The following NRXN3 variants were observed in gnomAD, a reference collection of about 807,000 sequenced individuals.
The protein encoded by NRXN3 is neurexin III.
In NRXN3, 32 loss-of-function variants were observed where a neutral mutation model predicts 137.6. The ratio of observed to expected loss-of-function variants is 0.23; its 90% CI spans 0.18 to 0.31. The LOEUF is 0.31. Ranked by LOEUF, NRXN3 falls within the 10% of genes least tolerant of loss-of-function variation. The pLI, the probability that NRXN3 is intolerant of heterozygous loss-of-function variation, is 1.00. For missense variants in NRXN3, 1,574 were observed against 2,062.5 expected (o/e 0.76, Z 4.59); for synonymous variants, 798 against 784.5 (o/e 1.02, Z -0.29).
chr14:78,379,292 A>C (rs2153629014), intron 4 of NRXN3, among the ~76,000 whole-genome samples: 1 of 152,270 alleles, frequency 6.6e-6, no homozygotes, highest in African/African-American at 2.4e-5. Flanking sequence ...GATACCCAAA[A>C]CCAGACAAAG....
chr14:79,431,818 CTAAT>C (rs1447831486), intron 15 of NRXN3, among the ~76,000 whole-genome samples: 3 of 152,114 alleles, frequency 2.0e-5, no homozygotes, highest in Non-Finnish European at 4.4e-5. Context: ...TAATAGACTT[CTAAT>C]TTATTACTAA....
At chr14:78,329,853 T>G (rs1387608096) in intron 4 of NRXN3, among the ~76,000 whole-genome samples, 1 of 152,174 alleles carries the variant, frequency 6.6e-6, no homozygotes, top group African/African-American at 2.4e-5. Flanking sequence ...CTCATAATAT[T>G]TTGGAATTTG....
intron 4 of NRXN3, among the ~76,000 whole-genome samples, chr14:78,417,028 A>G (rs1409694833): frequency 1.3e-5 from 2 of 152,160 alleles, no homozygotes; most frequent in African/African-American, 2.4e-5. Context: ...TAACCTTGTA[A>G]CTGGTCTTAC....
At chr14:79,417,891 C>T (rs2095519641) in intron 15 of NRXN3, among the ~76,000 whole-genome samples, 1 of 151,496 alleles carries the variant, frequency 6.6e-6, no homozygotes, top group Non-Finnish European at 1.5e-5. Flanking sequence ...CTAGTTCTAG[C>T]TTCTGTATGA....
At chr14:78,778,688 T>TTC (rs1372350825) in intron 8 of NRXN3, among the ~76,000 whole-genome samples, 2 of 135,120 alleles carry the variant, frequency 1.5e-5, no homozygotes, top group Non-Finnish European at 3.2e-5. Context: ...TTTTCTTTCT[T>TTC]TCTTTCTTTC....
At chr14:79,551,407 A>G (rs2097371387) in intron 16 of NRXN3, among the ~76,000 whole-genome samples, 1 of 152,242 alleles carries the variant, frequency 6.6e-6, no homozygotes, top group Non-Finnish European at 1.5e-5. Context: ...CACTAGGACC[A>G]GAAAAAGCAG....
intron 15 of NRXN3, among the ~76,000 whole-genome samples, chr14:79,100,472 A>G (rs1219577427): frequency 6.6e-6 from 1 of 152,234 alleles, no homozygotes; most frequent in Non-Finnish European, 1.5e-5. Flanking sequence ...TGATCCATCC[A>G]GGTGATTGAT....
chr14:79,108,258 T>C (rs2052824023), intron 15 of NRXN3, among the ~76,000 whole-genome samples: 1 of 152,170 alleles, frequency 6.6e-6, no homozygotes, highest in Non-Finnish European at 1.5e-5. Context: ...TGAAGTACTT[T>C]GTGTGAATAC....
rs1240524015 is a variant in NRXN3, at chr14:79,755,530, A to AG, written c.4015-49581dup. 5.6e-3 allele frequency among the ~76,000 whole-genome samples: 838 copies of AG among 149,516 alleles called. 8 individuals carry two copies. Among genetic ancestry groups the AG allele is most frequent in the African/African-American group, 0.021 (812 of 39,264 alleles). On this transcript the variant is annotated intron_variant, in intron 19 of 20. Coordinates refer to ENST00000335750, the MANE Select transcript of NRXN3 (RefSeq NM_001330195.2). ...ATTTTTTATGAAGTAAAAATACCGA[A>AG]GATTTTTTTTTTTTTTTGCTAGAAG...
chr14:78,305,174 G>C (rs1388801989), intron 4 of NRXN3, among the ~76,000 whole-genome samples: 3 of 152,106 alleles, frequency 2.0e-5, no homozygotes, highest in African/African-American at 7.2e-5. Flanking sequence ...CTGTGTGTTG[G>C]GTAAAGTTGC....
intron 15 of NRXN3, among the ~76,000 whole-genome samples, chr14:79,003,666 A>G (rs183942498): frequency 2.1e-4 from 32 of 152,304 alleles, no homozygotes; most frequent in African/African-American, 7.5e-4. Flanking sequence ...GGTCTAATGC[A>G]GGAATTATTG....
At chr14:79,377,250 A>G (rs1276230082) in intron 15 of NRXN3, among the ~76,000 whole-genome samples, 1 of 152,322 alleles carries the variant, frequency 6.6e-6, no homozygotes, top group East Asian at 1.9e-4. Context: ...ACAATGTTTC[A>G]CAGAAGATAT....
chr14:79,549,950 A>T (rs2097357959), intron 16 of NRXN3, among the ~76,000 whole-genome samples: 1 of 140,078 alleles, frequency 7.1e-6, no homozygotes, highest in Non-Finnish European at 1.6e-5. Context: ...GTTACTTCTC[A>T]TATTGTTGGG....
At chr14:78,495,885 A>G (rs760041538) in intron 4 of NRXN3, among the ~76,000 whole-genome samples, 1 of 152,236 alleles carries the variant, frequency 6.6e-6, no homozygotes, top group Non-Finnish European at 1.5e-5. Context: ...ATGACAAATC[A>G]GTTATCACTG....
chr14:79,846,497 C>G (rs2099373389), intron 20 of NRXN3, among the ~76,000 whole-genome samples: 1 of 152,134 alleles, frequency 6.6e-6, no homozygotes, highest in Non-Finnish European at 1.5e-5. Context: ...CTACAGCAAA[C>G]TTTCAGACTT....
At chr14:79,728,130 C>A (rs1055079309) in intron 19 of NRXN3, among the ~76,000 whole-genome samples, 1 of 152,106 alleles carries the variant, frequency 6.6e-6, no homozygotes, top group African/African-American at 2.4e-5. Context: ...CAAGAGTAGT[C>A]CTGCGGTATG....
chr14:79,848,889 C>T (rs1026523278), intron 20 of NRXN3, among the ~76,000 whole-genome samples: 2 of 152,170 alleles, frequency 1.3e-5, no homozygotes, highest in East Asian at 3.8e-4. Flanking sequence ...TCAACCTTTC[C>T]ACTTTGATAT....
chr14:78,960,016 T>G (rs1014099098), intron 11 of NRXN3, among the ~76,000 whole-genome samples: 1 of 152,240 alleles, frequency 6.6e-6, no homozygotes, highest in Admixed American at 6.5e-5. Flanking sequence ...TCAGTCATTA[T>G]TCTTTTATGA....
At chr14:78,962,078 C>T (rs1490972293) in intron 11 of NRXN3, among the ~76,000 whole-genome samples, 1 of 152,156 alleles carries the variant, frequency 6.6e-6, no homozygotes, top group Non-Finnish European at 1.5e-5. Context: ...CTACCTACTG[C>T]TTTTCTTGGG....
Sources: gnomAD v4.1 joint callset for allele counts (sites outside exome capture counted in the v4.1 genomes callset) on GRCh38, gnomAD v4.1.1 for gene constraint, MANE v1.5 for transcripts, NCBI Gene and HGNC (gene_info 2026-07-23, HGNC 2026-07-21) for gene names.